DGKB: variants seen among roughly 807,000 people sequenced by gnomAD.
DGKB encodes the protein 90 kDa diacylglycerol kinase.
In DGKB, 67 loss-of-function variants were observed where a neutral mutation model predicts 114.3. The observed-to-expected ratio is 0.59, with a 90% CI of 0.48 to 0.72. DGKB has a LOEUF of 0.72. Among genes scored for constraint, DGKB ranks in the 30% least tolerant of loss-of-function variants. DGKB has a pLI of 0.00. For synonymous variants in DGKB, 398 were observed against 323.1 expected (o/e 1.23, Z -2.49); for missense variants, 907 against 975.2 (o/e 0.93, Z 0.93).
chr7:14,382,620 A>G (rs1819668322), intron 21 of DGKB, among the ~76,000 whole-genome samples: 1 of 152,220 alleles, frequency 6.6e-6, no homozygotes. Context: ...TAAGGGTCAG[A>G]ATAGCAACTC....
In DGKB at chr7:14,685,227, C is replaced by T. The variant is rs764811229; in HGVS notation, c.829+18G>A. 11 of 1,546,354 alleles carry T rather than the reference C, an allele frequency of 7.1e-6. No homozygotes were observed. The African/African-American group carries it at 1.5e-4, about 21-fold the overall frequency. ...CTCACTTGAGGAGATGATGTCCAGG[C>T]AGAGCAAATGTACTCACAGGAACAG... is the stretch of plus-strand genomic sequence containing the variant. On this transcript the variant is annotated intron_variant, in intron 10 of 25. Transcript: ENST00000402815.
chr7:14,766,681 A>G (rs1238245013), intron 2 of DGKB, among the ~76,000 whole-genome samples: 1 of 151,890 alleles, frequency 6.6e-6, no homozygotes, highest in Non-Finnish European at 1.5e-5. Flanking sequence ...TATAAACAGT[A>G]TTTAACTGGA....
At chr7:14,708,730 A>G (rs1353766992) in intron 6 of DGKB, among the ~76,000 whole-genome samples, 1 of 151,328 alleles carries the variant, frequency 6.6e-6, no homozygotes, top group Non-Finnish European at 1.5e-5. Flanking sequence ...TTCCCTATTT[A>G]ATAAATGGTG....
At chr7:14,518,303 A>T (rs1367779) in intron 20 of DGKB, among the ~76,000 whole-genome samples, 65,878 of 151,750 alleles carry the variant, frequency 0.43, 15,119 homozygotes, top group East Asian at 0.72. Flanking sequence ...GACACTGGGA[A>T]CTCTTTGAGG....
chr7:14,745,889 TC>T (rs1833212702), intron 4 of DGKB, among the ~76,000 whole-genome samples: 1 of 152,222 alleles, frequency 6.6e-6, no homozygotes, highest in East Asian at 1.9e-4. Flanking sequence ...CTGGCATTTC[TC>T]CTAATAAGCA....
At chr7:14,374,960 A>C (rs1281486737) in intron 21 of DGKB, among the ~76,000 whole-genome samples, 3 of 152,132 alleles carry the variant, frequency 2.0e-5, no homozygotes, top group Admixed American at 2.0e-4. Context: ...CTCTGTCTCA[A>C]AGTCTATCTT....
upstream of DGKB, among the ~76,000 whole-genome samples, chr7:14,904,891 A>T (rs11979311): frequency 0.17 from 25,601 of 152,140 alleles, 2,414 homozygotes; most frequent in African/African-American, 0.24. Context: ...AGCACATAGA[A>T]ATACATTTTG....
chr7:14,509,171 C>T (rs1787585064), intron 20 of DGKB, among the ~76,000 whole-genome samples: 1 of 152,246 alleles, frequency 6.6e-6, no homozygotes, highest in African/African-American at 2.4e-5. Context: ...ATACCAAACA[C>T]TGAAGGCATA....
chr7:14,685,856 T>C (rs1293298807), intron 9 of DGKB, among the ~76,000 whole-genome samples: 2 of 152,172 alleles, frequency 1.3e-5, no homozygotes, highest in African/African-American at 4.8e-5. Flanking sequence ...AGGAATGGGA[T>C]GGGATGGAAA....
chr7:14,958,426 A>AACACACACACACACACACACAC (rs754087921), intron 1 of DGKB, among the ~76,000 whole-genome samples: 37 of 122,858 alleles, frequency 3.0e-4, no homozygotes, highest in African/African-American at 6.7e-4. Context: ...TACCTCTCCC[A>AACACACACACACACACACACAC]ACACACACAC....
rs150105214 is a variant in DGKB, at chr7:14,257,513, A to G, written c.2123-79362T>C. Among the ~76,000 whole-genome samples the G allele has an allele frequency of 2.6e-5, 4 of 152,196 alleles. 1 individual carries two copies. Among genetic ancestry groups the G allele is most frequent in the Non-Finnish European group, 5.9e-5 (4 of 67,996 alleles). On this transcript the variant is annotated intron_variant, in intron 23 of 25. Coordinates refer to ENST00000402815, the MANE Select transcript of DGKB (RefSeq NM_001350709.2). ...AATCCCCATGTATCCTGGGAGGCAC[A>G]TGGTGGGAGGTAATTGAATCATAGA...
At chr7:14,727,647 T>C (rs1830218075) in intron 5 of DGKB, among the ~76,000 whole-genome samples, 1 of 152,250 alleles carries the variant, frequency 6.6e-6, no homozygotes, top group South Asian at 2.1e-4. Flanking sequence ...ATTTTAAATA[T>C]CTACTATGTG....
chr7:14,278,931 G>A lies in DGKB; in HGVS notation c.2122+59584C>T, dbSNP rs902080557. 2.4e-4 allele frequency among the ~76,000 whole-genome samples: 36 copies of A among 152,260 alleles called. 1 individual carries two copies. Among genetic ancestry groups the A allele is most frequent in the African/African-American group, 8.2e-4 (34 of 41,568 alleles). ...GTCTACAGCTCCCAGCCTGAGCAAC[G>A]CAGAAGACGGGGGATTTCTGCATTT... is the stretch of plus-strand genomic sequence containing the variant. On this transcript the variant is annotated intron_variant, in intron 23 of 25. Coordinates refer to ENST00000402815, the MANE Select transcript of DGKB (RefSeq NM_001350709.2).
chr7:14,207,706 T>C (rs953487537), intron 23 of DGKB, among the ~76,000 whole-genome samples: 2 of 152,010 alleles, frequency 1.3e-5, no homozygotes, highest in African/African-American at 2.4e-5. Context: ...GACTGATAAA[T>C]GTGTCAAAAT....
At chr7:14,456,944 G>C (rs764338757) in intron 21 of DGKB, among the ~76,000 whole-genome samples, 5 of 151,982 alleles carry the variant, frequency 3.3e-5, no homozygotes, top group Non-Finnish European at 5.9e-5. Flanking sequence ...AAAGAGATAG[G>C]ACCCCTCTCA....
intron 23 of DGKB, among the ~76,000 whole-genome samples, chr7:14,257,546 A>AC (rs1223102349): frequency 6.6e-6 from 1 of 151,956 alleles, no homozygotes; most frequent in Non-Finnish European, 1.5e-5. Context: ...AGAGGCTGTT[A>AC]CCCCCATGCT....
chr7:14,231,505 T>A (rs961859979), intron 23 of DGKB, among the ~76,000 whole-genome samples: 4 of 152,010 alleles, frequency 2.6e-5, no homozygotes, highest in African/African-American at 9.7e-5. Flanking sequence ...AAGAGATATA[T>A]CAGAAAATCA....
intron 21 of DGKB, among the ~76,000 whole-genome samples, chr7:14,346,604 G>C (rs1208549347): frequency 6.6e-6 from 1 of 151,896 alleles, no homozygotes; most frequent in Non-Finnish European, 1.5e-5. Context: ...TTTATGGCCT[G>C]ATTTCATATA....
intron 12 of DGKB, among the ~76,000 whole-genome samples, chr7:14,679,236 A>T (rs370861402): frequency 2.6e-5 from 4 of 152,134 alleles, no homozygotes; most frequent in African/African-American, 9.6e-5. Context: ...TGTATTTCAT[A>T]ATACCCACAA....
Sources: allele counts gnomAD v4.1 joint callset (sites outside exome capture counted in the v4.1 genomes callset), GRCh38; gene constraint gnomAD v4.1.1; transcripts MANE v1.5; gene names NCBI Gene and HGNC (gene_info 2026-07-23, HGNC 2026-07-21).